C1orf94: variants seen among roughly 807,000 people sequenced by gnomAD.
The protein encoded by C1orf94 is uncharacterized protein C1orf94.
C1orf94 carries 45 observed loss-of-function variants against 53.6 expected under a neutral mutation model. That is an observed-to-expected ratio of 0.84 (90% CI 0.66 to 1.08). C1orf94 has a LOEUF of 1.08. C1orf94 is among the 50% of genes least tolerant of loss of function. C1orf94 has a pLI of 0.00. For synonymous variants in C1orf94, 304 were observed against 296.1 expected, an observed-to-expected ratio of 1.03 and a Z score of -0.27; for missense variants, 762 against 738.9, an observed-to-expected ratio of 1.03 and a Z score of -0.36.
At chr1:34,211,625 A>AT (rs1411496892) in intron 5 of C1orf94, among the ~76,000 whole-genome samples, 1 of 152,202 alleles carries the variant, frequency 6.6e-6, no homozygotes, top group Non-Finnish European at 1.5e-5. Context: ...CCTCATGCCC[A>AT]TGAGCCACAT....
chr1:34,216,616 A>C (rs890866421), intron 6 of C1orf94, among the ~76,000 whole-genome samples: 1 of 152,114 alleles, frequency 6.6e-6, no homozygotes, highest in African/African-American at 2.4e-5. Context: ...AAGAGACAAA[A>C]CTGTGTGAAG....
Position 34,201,143 on chromosome 1 carries a change from A to T in C1orf94, c.1270+111A>T, listed in dbSNP as rs1642701116. ...GCTGTCTTATCTACTGCCTTTCTAG[A>T]GGTGTCAGTTTTTAAACCCATAAAA... On this transcript the variant is annotated intron_variant, in intron 3 of 6. Coordinates refer to ENST00000488417, the MANE Select transcript of C1orf94 (RefSeq NM_001134734.2). 6.3e-6 allele frequency: 9 copies of T among 1,430,940 alleles called. No homozygotes were observed. In the Admixed American group the frequency reaches 2.1e-4, roughly 33 times the overall value. The allele number at this position is 1,430,940 out of a possible 1,614,324, so 88.6% of individuals were successfully genotyped here.
intron 1 of C1orf94, among the ~76,000 whole-genome samples, chr1:34,193,555 G>A (rs1771365): frequency 0.13 from 20,431 of 152,196 alleles, 1,930 homozygotes; most frequent in African/African-American, 0.27. Flanking sequence ...CTGAAAGGAA[G>A]CCCAGGCTGG....
intron 4 of C1orf94, among the ~76,000 whole-genome samples, chr1:34,202,801 A>G (rs1173869808): frequency 6.6e-6 from 1 of 152,222 alleles, no homozygotes; most frequent in Non-Finnish European, 1.5e-5. Flanking sequence ...AACAAATTAC[A>G]GTCAGCCCTC....
intron 5 of C1orf94, among the ~76,000 whole-genome samples, chr1:34,210,814 C>T (rs1642876992): frequency 6.6e-6 from 1 of 152,148 alleles, no homozygotes; most frequent in Admixed American, 6.5e-5. Flanking sequence ...ACCACCACGC[C>T]TGACTAATTG....
chr1:34,209,285 A>AACACACACACAC (rs59376155), intron 5 of C1orf94, among the ~76,000 whole-genome samples: 4,110 of 143,626 alleles, frequency 0.029, 175 homozygotes, highest in African/African-American at 0.092. Context: ...GAGAAATGCA[A>AACACACACACAC]ACACACACAC....
chr1:34,188,338 G>A (rs560943461), intron 1 of C1orf94, among the ~76,000 whole-genome samples: 3 of 152,318 alleles, frequency 2.0e-5, no homozygotes, highest in African/African-American at 4.8e-5. Context: ...TGAGTTCTAA[G>A]TGTATGCCAG....
chr1:34,178,177 AAT>A, intron 1 of C1orf94, 68 bp downstream of exon 1: 1 of 1,471,614 alleles, frequency 6.8e-7, no homozygotes, highest in Non-Finnish European at 9.2e-7. Flanking sequence ...CTTCTGGGGG[AAT>A]GTTCTGGCCC....
At chr1:34,176,398 C>G (rs1642226995), upstream of C1orf94, among the ~76,000 whole-genome samples, 1 of 152,114 alleles carries the variant, frequency 6.6e-6, no homozygotes, top group African/African-American at 2.4e-5. Context: ...TTGAATGAAG[C>G]CGCTTCAGTG....
At chr1:34,173,056 A>G (rs2148608737), upstream of C1orf94, among the ~76,000 whole-genome samples, 1 of 152,382 alleles carries the variant, frequency 6.6e-6, no homozygotes. Flanking sequence ...AAATCAGTAA[A>G]TATTTAATTA....
At chr1:34,183,507 G>C (rs987926015) in intron 1 of C1orf94, among the ~76,000 whole-genome samples, 1 of 152,208 alleles carries the variant, frequency 6.6e-6, no homozygotes. Flanking sequence ...TTTCCTCAAA[G>C]AGCTCCCAGT....
intron 1 of C1orf94, among the ~76,000 whole-genome samples, chr1:34,168,214 G>T (rs369830901): frequency 6.6e-6 from 1 of 152,060 alleles, no homozygotes; most frequent in Non-Finnish European, 1.5e-5. Flanking sequence ...GCTGTTCAAG[G>T]CTGCAGTGAG....
At chr1:34,178,220 G>T in intron 1 of C1orf94, 111 bp downstream of exon 1, 1 of 1,148,924 alleles carries the variant, frequency 8.7e-7, no homozygotes, top group Non-Finnish European at 1.2e-6. Context: ...CCTAAAGGCT[G>T]TATATTGCCC....
At chr1:34,170,416 G>A (rs1642128990) in intron 1 of C1orf94, among the ~76,000 whole-genome samples, 1 of 152,182 alleles carries the variant, frequency 6.6e-6, no homozygotes, top group Admixed American at 6.5e-5. Flanking sequence ...GGAAAGGGCA[G>A]GTGAGAACCA....
At chr1:34,189,395 G>A (rs1414820595) in intron 1 of C1orf94, among the ~76,000 whole-genome samples, 1 of 151,990 alleles carries the variant, frequency 6.6e-6, no homozygotes, top group Non-Finnish European at 1.5e-5. Flanking sequence ...TGGGGAGAAG[G>A]TACCTGGGCA....
At chr1:34,179,726 T>C (rs1642284817) in intron 1 of C1orf94, among the ~76,000 whole-genome samples, 1 of 152,148 alleles carries the variant, frequency 6.6e-6, no homozygotes, top group Non-Finnish European at 1.5e-5. Flanking sequence ...TTCTTCAGGT[T>C]GGGATTTGTT....
intron 1 of C1orf94, among the ~76,000 whole-genome samples, chr1:34,193,490 A>T (rs1450559870): frequency 1.3e-5 from 2 of 152,130 alleles, no homozygotes; most frequent in Non-Finnish European, 2.9e-5. Context: ...GTGCATTCAG[A>T]TTGGGGAACA....
chr1:34,182,402 G>A (rs1175526741), intron 1 of C1orf94, among the ~76,000 whole-genome samples: 3 of 152,140 alleles, frequency 2.0e-5, no homozygotes, highest in Non-Finnish European at 4.4e-5. Flanking sequence ...CACTTTTGCA[G>A]GTTTTTAGGA....
chr1:34,176,859 C>T (rs917842665), upstream of C1orf94, among the ~76,000 whole-genome samples: 2 of 152,178 alleles, frequency 1.3e-5, no homozygotes, highest in Non-Finnish European at 2.9e-5. Flanking sequence ...GGGCCCCACC[C>T]CCACCCACCC....
Sources: allele counts gnomAD v4.1 joint callset (sites outside exome capture counted in the v4.1 genomes callset), GRCh38; gene constraint gnomAD v4.1.1; transcripts MANE v1.5; gene names NCBI Gene and HGNC (gene_info 2026-07-23, HGNC 2026-07-21).